Variants in CNTN4 observed in about 807,000 individuals in gnomAD.
CNTN4 encodes the protein contactin-4.
Under a neutral mutation model 122.5 loss-of-function variants are expected in CNTN4, and 77 were observed. The ratio of observed to expected loss-of-function variants is 0.63; its 90% confidence interval spans 0.52 to 0.76. The LOEUF (loss-of-function observed/expected upper bound fraction) is 0.76, where lower values mean the gene tolerates loss of function less well. Among genes scored for constraint, CNTN4 ranks in the 30% least tolerant of loss-of-function variants. CNTN4 has a pLI of 0.00. For synonymous variants in CNTN4, 512 were observed against 447.0 expected (o/e 1.15, Z -1.83); for missense variants, 1,256 against 1,259.1 (o/e 1.00, Z 0.04).
chr3:2,319,733 A>C (rs2043219976), intron 2 of CNTN4, among the ~76,000 whole-genome samples: 5 of 152,214 alleles, frequency 3.3e-5, no homozygotes, highest in Admixed American at 2.6e-4. Flanking sequence ...ATAGTTGGCT[A>C]TTAAAGTTTT....
At chr3:2,941,151 A>T (rs1168454306) in intron 13 of CNTN4, among the ~76,000 whole-genome samples, 1 of 152,030 alleles carries the variant, frequency 6.6e-6, no homozygotes, top group Non-Finnish European at 1.5e-5. Context: ...TTTCTCAAGG[A>T]CTTTCCCTCC....
chr3:2,763,295 A>C (rs2090682962), intron 6 of CNTN4, among the ~76,000 whole-genome samples: 1 of 152,120 alleles, frequency 6.6e-6, no homozygotes, highest in African/African-American at 2.4e-5. Context: ...TCTTCATTTG[A>C]AAAGTGTCTA....
Position 2,394,940 on chromosome 3 carries a change from C to A in CNTN4, c.-89+55707C>A, listed in dbSNP as rs889799979. On this transcript the variant is annotated intron_variant, in intron 3 of 24. Transcript: ENST00000418658. ...TAGCTTAGGTTACAGACCCCCACCA[C>A]CACACCCAGCTAACTTTTGTATTTT... Among the ~76,000 whole-genome samples the A allele has an allele frequency of 6.6e-5, 10 of 152,010 alleles. 1 individual carries two copies. The highest frequency in any genetic ancestry group is 5.2e-4 in the Admixed American group (8 of 15,260).
At chr3:2,328,230 C>G (rs933099873) in intron 2 of CNTN4, among the ~76,000 whole-genome samples, 4 of 151,868 alleles carry the variant, frequency 2.6e-5, no homozygotes, top group African/African-American at 9.7e-5. Flanking sequence ...ACGGTGAAAC[C>G]CCGTCTCTAC....
chr3:2,467,794 G>A (rs2151479759), intron 3 of CNTN4, among the ~76,000 whole-genome samples: 2 of 152,238 alleles, frequency 1.3e-5, no homozygotes, highest in South Asian at 4.2e-4. Context: ...ACCTGAACTT[G>A]GCCTTGCAGT....
In CNTN4 at chr3:2,971,372, A is replaced by C. The variant is rs60986505; in HGVS notation, c.1359-16973A>C. ...TCTGTCTATCTATCTATCTATCTAT[A>C]TATATATATATTTGGCCTTTCTTAT... On this transcript the variant is annotated intron_variant, in intron 13 of 24. Transcript: ENST00000418658. Among the ~76,000 whole-genome samples, 766 of 151,610 alleles carry C rather than the reference A, an allele frequency of 5.1e-3. 4 individuals carry two copies. Among genetic ancestry groups the C allele is most frequent in the African/African-American group, 0.013 (533 of 41,208 alleles).
intron 3 of CNTN4, among the ~76,000 whole-genome samples, chr3:2,397,048 A>G (rs2046667625): frequency 6.6e-6 from 1 of 152,178 alleles, no homozygotes. Context: ...TGAAGGATGG[A>G]GTTGTTTCAT....
At chr3:3,017,152 G>T (rs1697839974) in intron 14 of CNTN4, among the ~76,000 whole-genome samples, 1 of 152,010 alleles carries the variant, frequency 6.6e-6, no homozygotes, top group African/African-American at 2.4e-5. Context: ...TTTTCCAATT[G>T]GTTCCTCTTC....
chr3:2,257,560 G>A (rs938663556), intron 2 of CNTN4, among the ~76,000 whole-genome samples: 11 of 152,066 alleles, frequency 7.2e-5, no homozygotes, highest in African/African-American at 2.4e-4. Context: ...CTAATACCCA[G>A]AATCTACAAA....
chr3:2,575,768 A>C (rs974543139), intron 4 of CNTN4, among the ~76,000 whole-genome samples: 3 of 149,448 alleles, frequency 2.0e-5, no homozygotes, highest in African/African-American at 7.4e-5. Flanking sequence ...CAAAGCTCTC[A>C]TCAATATCTG....
At chr3:2,925,535 A>T (rs1425652203) in intron 12 of CNTN4, 94 bp from the exon 13 acceptor site, 12 of 1,357,634 alleles carry the variant, frequency 8.8e-6, no homozygotes, top group African/African-American at 1.4e-5. Flanking sequence ...ACAGAGCAAG[A>T]CTCTGTCTCA....
intron 3 of CNTN4, among the ~76,000 whole-genome samples, chr3:2,354,325 G>A (rs2044774421): frequency 6.6e-6 from 1 of 152,216 alleles, no homozygotes; most frequent in African/African-American, 2.4e-5. Flanking sequence ...GAGGTCAGGA[G>A]TTCAATACCA....
intron 2 of CNTN4, among the ~76,000 whole-genome samples, chr3:2,264,636 A>G (rs1011716390): frequency 5.3e-5 from 8 of 152,052 alleles, no homozygotes; most frequent in East Asian, 1.9e-4. Flanking sequence ...ATGCAATCCA[A>G]TTTGTCTATT....
chr3:2,257,042 G>A (rs746672132), intron 2 of CNTN4, among the ~76,000 whole-genome samples: 2 of 151,364 alleles, frequency 1.3e-5, no homozygotes, highest in Admixed American at 1.3e-4. Flanking sequence ...CAAACTATAC[G>A]ACAAGGCTAC....
At chr3:2,348,915 T>G (rs1666341) in intron 3 of CNTN4, among the ~76,000 whole-genome samples, 55,616 of 152,028 alleles carry the variant, frequency 0.37, 10,527 homozygotes, top group African/African-American at 0.45. Flanking sequence ...AGCTTCCCCA[T>G]CTATAAAATC....
intron 13 of CNTN4, among the ~76,000 whole-genome samples, chr3:2,948,484 C>G (rs1227103893): frequency 6.6e-6 from 1 of 152,204 alleles, no homozygotes; most frequent in East Asian, 1.9e-4. Context: ...TTTATTGACC[C>G]TCCATTGCAT....
At chr3:2,739,774 C>T (rs1042628150) in intron 5 of CNTN4, among the ~76,000 whole-genome samples, 2 of 152,116 alleles carry the variant, frequency 1.3e-5, no homozygotes, top group African/African-American at 2.4e-5. Context: ...GTTATCGTTG[C>T]ACATTTATTT....
chr3:2,486,731 A>G (rs1024958337), intron 3 of CNTN4, among the ~76,000 whole-genome samples: 40 of 152,166 alleles, frequency 2.6e-4, no homozygotes, highest in African/African-American at 9.2e-4. Flanking sequence ...TTTTCTGAAT[A>G]ACATTTATTT....
At chr3:2,920,935 A>G (rs996452500) in intron 12 of CNTN4, among the ~76,000 whole-genome samples, 3 of 152,226 alleles carry the variant, frequency 2.0e-5, no homozygotes, top group Non-Finnish European at 4.4e-5. Flanking sequence ...GATGGATATT[A>G]GGAACACTAG....
Sources: allele counts gnomAD v4.1 joint callset (sites outside exome capture counted in the v4.1 genomes callset), GRCh38; gene constraint gnomAD v4.1.1; transcripts MANE v1.5; gene names NCBI Gene and HGNC (gene_info 2026-07-23, HGNC 2026-07-21).